C4orf51: variants seen among roughly 807,000 people sequenced by gnomAD.
C4orf51 encodes the protein uncharacterized protein C4orf51.
A neutral mutation model predicts 25.2 loss-of-function variants in C4orf51; 25 were observed. That is an observed-to-expected ratio of 0.99 (90% CI 0.72 to 1.39). The LOEUF (loss-of-function observed/expected upper bound fraction) is 1.39. Among genes scored for constraint, C4orf51 ranks in the 40% most tolerant of loss-of-function variants. C4orf51 has a pLI of 0.00. For synonymous variants in C4orf51, 100 were observed against 84.5 expected (o/e 1.18, Z -1.01); for missense variants, 252 against 239.6 (o/e 1.05, Z -0.34).
rs945010297 is a variant in C4orf51, at chr4:145,744,704, T to C, written n.168-9503T>C. Among the ~76,000 whole-genome samples, 3 of 152,170 alleles carry C rather than the reference T, an allele frequency of 2.0e-5. No individual in the cohort carries two copies. The South Asian group carries it at 6.2e-4, about 32-fold the overall frequency. ...AAAAAATTAGTAATTCTACAAAAAA[T>C]TAGCCAGGTGTAGTGGCAGGCGCCT... On this transcript the variant is annotated intron_variant and non_coding_transcript_variant, in intron 1 of 1. Coordinates refer to the C4orf51 transcript ENST00000508981.
At chr4:145,719,972 A>C (rs1731641007) in intron 2 of C4orf51, among the ~76,000 whole-genome samples, 1 of 152,036 alleles carries the variant, frequency 6.6e-6, no homozygotes, top group Non-Finnish European at 1.5e-5. Context: ...TAGCAATGTG[A>C]GTATCTCGTG....
intron 2 of C4orf51, among the ~76,000 whole-genome samples, chr4:145,701,582 A>G (rs1229405136): frequency 1.3e-5 from 2 of 151,460 alleles, no homozygotes; most frequent in Non-Finnish European, 2.9e-5. Flanking sequence ...CGATCGCCTC[A>G]GAAGCCCCCT....
downstream of C4orf51, among the ~76,000 whole-genome samples, chr4:145,733,365 G>A (rs1452089419): frequency 1.3e-5 from 2 of 152,198 alleles, no homozygotes; most frequent in Admixed American, 1.3e-4. Context: ...CGGAGCGCGC[G>A]GGAGGGAGGG....
chr4:145,701,263 C>T (rs1208393379), intron 2 of C4orf51, among the ~76,000 whole-genome samples: 2 of 152,138 alleles, frequency 1.3e-5, no homozygotes, highest in African/African-American at 4.8e-5. Context: ...TTCCTTGCCT[C>T]CACTGTGAGA....
At chr4:145,744,891 T>C (rs773996698) in intron 1 of C4orf51, among the ~76,000 whole-genome samples, 1 of 151,878 alleles carries the variant, frequency 6.6e-6, no homozygotes, top group Non-Finnish European at 1.5e-5. Flanking sequence ...ACGAATAGTA[T>C]GGTGATGATC....
At chr4:145,788,210 T>C in the C4orf51 span, among the ~76,000 whole-genome samples, 1 of 152,226 alleles carries the variant, frequency 6.6e-6, no homozygotes, top group African/African-American at 2.4e-5. Context: ...TACTTACTGA[T>C]TGATTTGTAT....
At chr4:145,690,932 T>C (rs1181090533) in intron 1 of C4orf51, among the ~76,000 whole-genome samples, 1 of 151,510 alleles carries the variant, frequency 6.6e-6, no homozygotes, top group Non-Finnish European at 1.5e-5. Flanking sequence ...GGAAACCCCA[T>C]CTCCCCGCTC....
chr4:145,708,921 T>C (rs1009501233), intron 2 of C4orf51, among the ~76,000 whole-genome samples: 2 of 152,204 alleles, frequency 1.3e-5, no homozygotes, highest in Non-Finnish European at 2.9e-5. Context: ...GCTAACTGCC[T>C]CAAGGGGGCT....
chr4:145,778,174 C>T, the C4orf51 span, among the ~76,000 whole-genome samples: 2 of 152,136 alleles, frequency 1.3e-5, no homozygotes, highest in South Asian at 4.1e-4. Context: ...GCTCTTGTCA[C>T]TCAGGCTGGA....
intron 2 of C4orf51, among the ~76,000 whole-genome samples, chr4:145,698,960 AC>A (rs1287239826): frequency 2.0e-5 from 3 of 151,994 alleles, no homozygotes; most frequent in African/African-American, 7.3e-5. Context: ...ACATTCCACC[AC>A]AAAAAGAAGT....
chr4:145,683,255 G>A (rs1407027408), intron 1 of C4orf51, among the ~76,000 whole-genome samples: 1 of 152,054 alleles, frequency 6.6e-6, no homozygotes, highest in Non-Finnish European at 1.5e-5. Context: ...AATCAAAAAA[G>A]AACTAATCAA....
At chr4:145,771,273 C>A (rs537498805), downstream of C4orf51, among the ~76,000 whole-genome samples, 42 of 152,114 alleles carry the variant, frequency 2.8e-4, no homozygotes, top group African/African-American at 1.0e-3. Context: ...TCAGATCTCT[C>A]GATTGTTTTC....
At chr4:145,698,163 A>G (rs1035736929) in intron 2 of C4orf51, among the ~76,000 whole-genome samples, 2 of 152,004 alleles carry the variant, frequency 1.3e-5, no homozygotes, top group African/African-American at 4.8e-5. Context: ...CCATTTTTAA[A>G]TCAGTTTTTT....
intron 2 of C4orf51, among the ~76,000 whole-genome samples, chr4:145,716,442 G>A (rs1236479848): frequency 6.6e-6 from 1 of 152,182 alleles, no homozygotes; most frequent in Non-Finnish European, 1.5e-5. Flanking sequence ...CCTTGGCTGG[G>A]CAGCCACTTC....
intron 2 of C4orf51, among the ~76,000 whole-genome samples, chr4:145,701,062 A>C (rs144133797): frequency 0.12 from 17,715 of 152,136 alleles, 1,180 homozygotes; most frequent in South Asian, 0.19. Context: ...TGGCTCGTTC[A>C]GCAGCAACCC....
intron 1 of C4orf51, among the ~76,000 whole-genome samples, chr4:145,748,648 C>T (rs926607043): frequency 1.3e-5 from 2 of 152,078 alleles, no homozygotes; most frequent in Non-Finnish European, 2.9e-5. Flanking sequence ...ACCGACCATT[C>T]AGAAACATAT....
At chr4:145,706,808 ATTT>A (rs34336553) in intron 2 of C4orf51, among the ~76,000 whole-genome samples, 1 of 118,686 alleles carries the variant, frequency 8.4e-6, no homozygotes. Context: ...TGCCCGGCTA[ATTT>A]TTTTTTTTTT....
the C4orf51 span, among the ~76,000 whole-genome samples, chr4:145,791,473 G>A: frequency 3.9e-5 from 6 of 152,164 alleles, no homozygotes; most frequent in African/African-American, 1.2e-4. Context: ...GAGGAGGAAA[G>A]GGATTATTAG....
chr4:145,709,340 A>T (rs6537367), intron 2 of C4orf51, among the ~76,000 whole-genome samples: 3,938 of 152,348 alleles, frequency 0.026, 175 homozygotes, highest in African/African-American at 0.089. Context: ...AACAAAAAGC[A>T]TATGACAAGT....
Sources: allele counts gnomAD v4.1 joint callset (sites outside exome capture counted in the v4.1 genomes callset), GRCh38; gene constraint gnomAD v4.1.1; transcripts MANE v1.5; gene names NCBI Gene and HGNC (gene_info 2026-07-23, HGNC 2026-07-21).